The following KCNIP4 variants were observed in gnomAD, a reference collection of about 807,000 sequenced individuals.
KCNIP4 encodes the protein potassium voltage-gated channel interacting protein 4.
Under a neutral mutation model 34.0 loss-of-function variants are expected in KCNIP4, and 12 were observed. That is an observed-to-expected ratio of 0.35 (90% CI 0.23 to 0.57). KCNIP4 has a LOEUF of 0.57. Ranked by LOEUF, KCNIP4 falls within the 20% of genes least tolerant of loss-of-function variation. KCNIP4 has a pLI of 0.83. For synonymous variants in KCNIP4, 124 were observed against 102.2 expected, an observed-to-expected ratio of 1.21 and a Z score of -1.29; for missense variants, 238 against 311.7, an observed-to-expected ratio of 0.76 and a Z score of 1.78.
intron 1 of KCNIP4, among the ~76,000 whole-genome samples, chr4:21,192,906 C>T (rs561758445): frequency 2.1e-5 from 3 of 139,926 alleles, no homozygotes; most frequent in East Asian, 2.1e-4. Context: ...CCAGCCCTGC[C>T]GCCCCGTCTC....
rs1560479609 is a variant in KCNIP4 at position 21,519,474 on chromosome 4, ATGTGTATATACACATATGTGTGTATG to A, written c.61+429071_61+429096del. Among the ~76,000 whole-genome samples, 13 of 100,114 alleles carry A rather than the reference ATGTGTATATACACATATGTGTGTATG, an allele frequency of 1.3e-4. 1 individual carries two copies. In the East Asian group the frequency reaches 1.8e-3, roughly 14 times the overall value. 65.7% of individuals were successfully genotyped at this position (100,114 alleles called of 152,430 possible). A position where few individuals can be genotyped will look rare whatever the true frequency, so the allele number is the denominator to read the frequency against. On this transcript the variant is annotated intron_variant, in intron 1 of 8. Transcript: ENST00000382152. Reference sequence around the variant, plus strand: ...TATATACACATATGTGTGTATGTGTATGTGTATATACACATATGTGTGTATGTGTATGTGTATATACACATATGTGT... The same window carrying A: ...TATATACACATATGTGTGTATGTGTATGTATGTGTATATACACATATGTGT...
intron 3 of KCNIP4, among the ~76,000 whole-genome samples, chr4:20,837,923 C>T (rs1311276094): frequency 2.0e-5 from 3 of 151,406 alleles, no homozygotes; most frequent in African/African-American, 7.3e-5. Context: ...CATGTGACCT[C>T]AGGTGATCCA....
At chr4:21,015,843 A>C (rs574687389) in intron 1 of KCNIP4, among the ~76,000 whole-genome samples, 1 of 139,430 alleles carries the variant, frequency 7.2e-6, no homozygotes, top group Non-Finnish European at 1.5e-5. Flanking sequence ...CAATATATAC[A>C]ATATATAAAA....
At chr4:21,187,159 A>C (rs1180479102) in intron 1 of KCNIP4, among the ~76,000 whole-genome samples, 1 of 152,180 alleles carries the variant, frequency 6.6e-6, no homozygotes, top group African/African-American at 2.4e-5. Context: ...GCTGAAGTCA[A>C]TAAAAGTCAA....
At chr4:21,136,752 C>A (rs1181795845) in intron 1 of KCNIP4, among the ~76,000 whole-genome samples, 1 of 152,140 alleles carries the variant, frequency 6.6e-6, no homozygotes. Flanking sequence ...ATTCTACAGA[C>A]AAAGCAGTGT....
intron 1 of KCNIP4, among the ~76,000 whole-genome samples, chr4:21,165,408 T>TA (rs538397549): frequency 0.017 from 27 of 1,614 alleles, 2 homozygotes; most frequent in East Asian, 0.044. Flanking sequence ...TAGAGTATAA[T>TA]AAAAAAAAAA....
At chr4:20,971,210 G>A (rs1734917995) in intron 1 of KCNIP4, among the ~76,000 whole-genome samples, 1 of 152,072 alleles carries the variant, frequency 6.6e-6, no homozygotes, top group Non-Finnish European at 1.5e-5. Flanking sequence ...AAAGGGAGAA[G>A]GAGCCATAGA....
chr4:21,166,696 T>C (rs1753648922), intron 1 of KCNIP4, among the ~76,000 whole-genome samples: 1 of 151,760 alleles, frequency 6.6e-6, no homozygotes, highest in Non-Finnish European at 1.5e-5. Flanking sequence ...CCCAGCACTT[T>C]GGGAGGCCAA....
At chr4:21,917,824 T>A (rs1728724631) in intron 1 of KCNIP4, among the ~76,000 whole-genome samples, 1 of 152,066 alleles carries the variant, frequency 6.6e-6, no homozygotes. Flanking sequence ...GACGAATGAG[T>A]ACTGGATTGG....
At chr4:21,133,369 G>A (rs1751240272) in intron 1 of KCNIP4, among the ~76,000 whole-genome samples, 1 of 152,198 alleles carries the variant, frequency 6.6e-6, no homozygotes, top group Non-Finnish European at 1.5e-5. Flanking sequence ...AAGGGTCAGG[G>A]CAGATTATTG....
At chr4:21,875,682 C>T (rs1446687942) in intron 1 of KCNIP4, among the ~76,000 whole-genome samples, 2 of 152,226 alleles carry the variant, frequency 1.3e-5, no homozygotes, top group African/African-American at 2.4e-5. Flanking sequence ...CCTTCACAAA[C>T]AAATACGATT....
At chr4:21,187,846 C>A (rs76105093) in intron 1 of KCNIP4, among the ~76,000 whole-genome samples, 2,264 of 152,274 alleles carry the variant, frequency 0.015, 63 homozygotes, top group African/African-American at 0.052. Context: ...TCCAGGCTGG[C>A]TCGAAATTAG....
chr4:20,788,256 A>T (rs1712261559), intron 3 of KCNIP4, among the ~76,000 whole-genome samples: 1 of 152,236 alleles, frequency 6.6e-6, no homozygotes, highest in South Asian at 2.1e-4. Flanking sequence ...AGATAAATAC[A>T]TAAAGATATA....
chr4:21,540,712 T>C (rs989891973), intron 1 of KCNIP4, among the ~76,000 whole-genome samples: 1 of 152,210 alleles, frequency 6.6e-6, no homozygotes, highest in African/African-American at 2.4e-5. Context: ...CCAAACGTTT[T>C]TGACTACAGA....
intron 1 of KCNIP4, among the ~76,000 whole-genome samples, chr4:21,328,703 A>T (rs1715327628): frequency 6.6e-6 from 1 of 152,186 alleles, no homozygotes; most frequent in Non-Finnish European, 1.5e-5. Flanking sequence ...AGGTCCAGAG[A>T]TGACATCCAG....
At chr4:21,782,554 C>G (rs1198735880) in intron 1 of KCNIP4, among the ~76,000 whole-genome samples, 1 of 151,918 alleles carries the variant, frequency 6.6e-6, no homozygotes, top group Non-Finnish European at 1.5e-5. Flanking sequence ...AAAAATTAGC[C>G]AGGCATGATG....
At chr4:21,598,026 C>A (rs548527857) in intron 1 of KCNIP4, among the ~76,000 whole-genome samples, 11 of 152,018 alleles carry the variant, frequency 7.2e-5, no homozygotes, top group African/African-American at 2.7e-4. Flanking sequence ...TATTTCGGTA[C>A]GTCTGAAAAA....
chr4:21,888,827 G>A (rs553379359), intron 1 of KCNIP4, among the ~76,000 whole-genome samples: 1 of 152,182 alleles, frequency 6.6e-6, no homozygotes, highest in Admixed American at 6.6e-5. Context: ...ATCTCACTGA[G>A]CTTTTTTGGT....
chr4:21,127,147 G>T (rs1750688271), intron 1 of KCNIP4, among the ~76,000 whole-genome samples: 1 of 152,142 alleles, frequency 6.6e-6, no homozygotes, highest in Admixed American at 6.6e-5. Context: ...AACTCAAGAA[G>T]ATCCCCTCTA....
Sources: allele counts gnomAD v4.1 joint callset (sites outside exome capture counted in the v4.1 genomes callset), GRCh38; gene constraint gnomAD v4.1.1; transcripts MANE v1.5; gene names NCBI Gene and HGNC (gene_info 2026-07-23, HGNC 2026-07-21).